The following BRD3 variants were observed in gnomAD, a reference collection of about 807,000 sequenced individuals.
BRD3 encodes the protein bromodomain containing 3, also known as bromodomain-containing protein 3.
In BRD3, 17 loss-of-function variants were observed where a neutral mutation model predicts 66.8. The observed-to-expected ratio is 0.25, with a 90% CI of 0.17 to 0.38. The LOEUF is 0.38. Among genes scored for constraint, BRD3 ranks in the 10% least tolerant of loss-of-function variants. BRD3 has a pLI of 1.00. For missense variants in BRD3, 713 were observed against 956.1 expected, an observed-to-expected ratio of 0.75 and a Z score of 3.35; for synonymous variants, 421 against 393.2, an observed-to-expected ratio of 1.07 and a Z score of -0.84.
At chr9:134,059,346 T>C (rs1830491114) in intron 1 of BRD3, among the ~76,000 whole-genome samples, 1 of 152,080 alleles carries the variant, frequency 6.6e-6, no homozygotes, top group Admixed American at 6.5e-5. Flanking sequence ...TTGCACCCAC[T>C]CTCCACCTTC....
intron 7 of BRD3, among the ~76,000 whole-genome samples, chr9:134,043,158 A>C (rs1830096440): frequency 6.6e-6 from 1 of 152,128 alleles, no homozygotes; most frequent in South Asian, 2.1e-4. Context: ...TTTTGTAGGG[A>C]CAGGGTCCTG....
chr9:134,033,709 T>C lies in BRD3; in HGVS notation c.2066-4A>G, dbSNP rs1226118096. 2 of 731,962 alleles carry C rather than the reference T, an allele frequency of 2.7e-6. No homozygotes were observed. Among genetic ancestry groups the C allele is most frequent in the Non-Finnish European group, 5.0e-6 (2 of 396,760 alleles). 45.3% of individuals were successfully genotyped at this position (731,962 alleles called of 1,614,324 possible). A position where few individuals can be genotyped will look rare whatever the true frequency, so the allele number is the denominator to read the frequency against. ...GAGGGTGCTGAGCCGGGCTTCTCTG[T>C]GGAGACATGGGCAGGGAGATGCGCT... is the stretch of plus-strand genomic sequence containing the variant. On this transcript the variant is annotated splice_polypyrimidine_tract_variant and splice_region_variant and intron_variant, in intron 11 of 11. Transcript: ENST00000303407. This position sits in a 1 kb window ranked among gnomAD's most constrained non-coding sequence, Gnocchi z 5.1.
intron 5 of BRD3, among the ~76,000 whole-genome samples, chr9:134,049,195 C>T (rs1274296189): frequency 6.6e-6 from 1 of 152,188 alleles, no homozygotes; most frequent in Admixed American, 6.5e-5. Flanking sequence ...GTTTAACGTC[C>T]AGGCCTCCTG....
chr9:134,062,855 A>G (rs1379801435), intron 1 of BRD3, among the ~76,000 whole-genome samples: 1 of 152,226 alleles, frequency 6.6e-6, no homozygotes, highest in East Asian at 1.9e-4. Context: ...TCAGAGGGGC[A>G]GTGAGTGAGG....
At chr9:134,035,919 C>T (rs1046090736) in intron 10 of BRD3, 113 bp downstream of exon 10, 10 of 1,384,300 alleles carry the variant, frequency 7.2e-6, no homozygotes, top group African/African-American at 4.4e-5. Context: ...GCCAAGACAG[C>T]GTGGCAGCCC....
intron 1 of BRD3, among the ~76,000 whole-genome samples, chr9:134,063,846 G>A (rs750704862): frequency 2.6e-5 from 4 of 152,256 alleles, no homozygotes; most frequent in East Asian, 3.9e-4. Flanking sequence ...AGATCCAGCC[G>A]GCGACTCCTG....
intron 7 of BRD3, among the ~76,000 whole-genome samples, chr9:134,043,188 C>G (rs1328651173): frequency 6.6e-6 from 1 of 151,834 alleles, no homozygotes; most frequent in East Asian, 1.9e-4. Flanking sequence ...CCAGGCTGGT[C>G]TTGAACCCCT....
Position 134,041,843 on chromosome 9 carries a change from T to C in BRD3, c.1324A>G (p.Ser442Gly), listed in dbSNP as rs199669468. 25 of 1,612,964 alleles carry C rather than the reference T, an allele frequency of 1.5e-5. No individual in the cohort carries two copies. The East Asian group carries it at 5.1e-4, about 33-fold the overall frequency. Reference sequence around the variant, plus strand: ...GAGTCCGAAGAGCTCTCCTCACTGCTACGGCTGCTCTCAGCGCCCTTGCTC... The same window carrying C: ...GAGTCCGAAGAGCTCTCCTCACTGCCACGGCTGCTCTCAGCGCCCTTGCTC... ...MVSKGAESSRSSEESSSDSGS... is the reference protein window; with the variant it reads ...MVSKGAESSRGSEESSSDSGS... The change falls in exon 8 of 12, where the codon AGC becomes GGC. Residue 442 changes from serine to glycine, a missense_variant. Ser to Gly is a moderately conservative substitution (Grantham distance 56, BLOSUM62 0). Around this residue, in one of 5 missense-constraint regions of BRD3, gnomAD observed 418 missense variants for 609.3 expected, o/e 0.69. Transcript: ENST00000303407.
Position 134,053,350 on chromosome 9 carries a change from T to C in BRD3, c.128A>G (p.Gln43Arg), listed in dbSNP as rs749918010. The C allele has an allele frequency of 1.9e-6, 3 of 1,567,746 alleles. No individual in the cohort carries two copies. The highest frequency in any genetic ancestry group is 2.6e-6 in the Non-Finnish European group (3 of 1,154,358). Residue 43 changes from glutamine to arginine, a missense_variant, in exon 2 of 12, where the codon CAG (glutamine) becomes CGG (arginine). By Grantham distance (43) the Gln-to-Arg change is conservative (BLOSUM62 1). Around this residue, in one of 5 missense-constraint regions of BRD3, gnomAD observed 85 missense variants for 152.4 expected, o/e 0.56. Transcript: ENST00000303407. ...CCAGAGCGTCTTCACCACCACATTC[T>C]GCATGTACTGCAGCTGGTTGGTCTT... ...GRKTNQLQYM[Q>R]NVVVKTLWKH... is the part of the protein sequence containing the mutation.
intron 1 of BRD3, among the ~76,000 whole-genome samples, chr9:134,059,364 G>A (rs1830491399): frequency 6.6e-6 from 1 of 152,240 alleles, no homozygotes. Context: ...TTCATGCGAT[G>A]GGGAATAAGC....
At chr9:134,040,847 T>C (rs931691879) in intron 8 of BRD3, among the ~76,000 whole-genome samples, 1 of 152,188 alleles carries the variant, frequency 6.6e-6, no homozygotes, top group African/African-American at 2.4e-5. Flanking sequence ...CAACCAGCAT[T>C]AATCCAGGGC....
Position 134,045,265 on chromosome 9 carries a change from G to A in BRD3, c.1215+28C>T. Reference sequence around the variant, plus strand: ...GATGCCCACAGCACTGAGCTGAGCAGCCCCACCCGTGCCCAGCCTCGGGTT... The same window carrying A: ...GATGCCCACAGCACTGAGCTGAGCAACCCCACCCGTGCCCAGCCTCGGGTT... On this transcript the variant is annotated intron_variant, in intron 7 of 11. Transcript: ENST00000303407. The surrounding 1 kb of genome is among the most constrained non-coding windows in gnomAD (Gnocchi z 4.8). 1 of 1,612,408 alleles carries A rather than the reference G, an allele frequency of 6.2e-7. No individual in the cohort carries two copies. Among genetic ancestry groups the A allele is most frequent in the African/African-American group, 1.3e-5 (1 of 75,056 alleles).
At chr9:134,049,039 G>A (rs551483125) in intron 5 of BRD3, among the ~76,000 whole-genome samples, 2 of 152,280 alleles carry the variant, frequency 1.3e-5, no homozygotes, top group Non-Finnish European at 2.9e-5. Flanking sequence ...GGGACCTCAG[G>A]GATTGAGTGG....
At position 134,033,783 on chromosome 9, in the gene BRD3, G is replaced by GT; in HGVS notation, c.2066-79dup. ...TTGGCGGCATGTCGTCCATGCCAGC[G>GT]TGACACCATCACACTGGGTGCCACG... On this transcript the variant is annotated intron_variant, in intron 11 of 11. Transcript: ENST00000303407. This position sits in a 1 kb window ranked among gnomAD's most constrained non-coding sequence, Gnocchi z 5.1. 1 of 660,248 alleles carries GT rather than the reference G, an allele frequency of 1.5e-6. No individual in the cohort carries two copies. The highest frequency in any genetic ancestry group is 2.8e-6 in the Non-Finnish European group (1 of 360,008). 40.9% of individuals were successfully genotyped at this position (660,248 alleles called of 1,614,324 possible).
chr9:134,042,070 G>A, intron 7 of BRD3, 119 bp from the exon 8 acceptor site: 1 of 1,186,852 alleles, frequency 8.4e-7, no homozygotes, highest in Non-Finnish European at 1.1e-6. Context: ...TACGAAGGTG[G>A]GGCTAGGAGG....
intron 5 of BRD3, among the ~76,000 whole-genome samples, chr9:134,050,040 A>G (rs1248086167): frequency 6.6e-6 from 1 of 152,184 alleles, no homozygotes; most frequent in Non-Finnish European, 1.5e-5. Flanking sequence ...CCTGAGTGTG[A>G]GCAGGGGAGG....
In BRD3 at chr9:134,042,792, TACACACACACAC is replaced by T. The variant is rs58646444; in HGVS notation, c.1216-853_1216-842del. On this transcript the variant is annotated intron_variant, in intron 7 of 11. Coordinates refer to ENST00000303407, the MANE Select transcript of BRD3 (RefSeq NM_007371.4). Reference sequence around the variant, plus strand: ...ACACACACATATATATACACAAATATACACACACACACACACACACACACACATTTTTAAGTT... The same window carrying T: ...ACACACACATATATATACACAAATATACACACACACACACATTTTTAAGTT... Among the ~76,000 whole-genome samples the T allele has an allele frequency of 2.5e-3, 369 of 147,926 alleles. 1 individual carries two copies. The highest frequency in any genetic ancestry group is 8.8e-3 in the African/African-American group (345 of 39,076).
chr9:134,061,732 CACA>C (rs1422825112), intron 1 of BRD3, among the ~76,000 whole-genome samples: 1 of 152,188 alleles, frequency 6.6e-6, no homozygotes, highest in Non-Finnish European at 1.5e-5. Flanking sequence ...GGTGAAGGGG[CACA>C]ACGTCGCCCA....
At chr9:134,051,434 C>T in intron 4 of BRD3, 128 bp downstream of exon 4, 1 of 1,019,774 alleles carries the variant, frequency 9.8e-7, no homozygotes, top group Non-Finnish European at 1.3e-6. Context: ...CATCCAAGAC[C>T]CGGCACCCAC....
Sources: gnomAD v4.1 joint callset for allele counts (sites outside exome capture counted in the v4.1 genomes callset) on GRCh38, gnomAD v4.1.1 for gene constraint, gnomAD v4.1.1 regional missense constraint, Gnocchi (gnomAD v3.1) non-coding constraint, MANE v1.5 for transcripts, NCBI Gene and HGNC (gene_info 2026-07-23, HGNC 2026-07-21) for gene names.